Variants in PCLO observed in about 807,000 individuals in gnomAD.
The protein encoded by PCLO is piccolo presynaptic cytomatrix protein.
A neutral mutation model predicts 427.5 loss-of-function variants in PCLO; 82 were observed. The ratio of observed to expected loss-of-function variants is 0.19; its 90% CI spans 0.16 to 0.23. The LOEUF (loss-of-function observed/expected upper bound fraction) is 0.23, where lower values mean the gene tolerates loss of function less well. Ranked by LOEUF, PCLO falls within the 10% of genes least tolerant of loss-of-function variation. The pLI is 1.00. For missense variants in PCLO, 6,239 were observed against 6,115.9 expected, an observed-to-expected ratio of 1.02 and a Z score of -0.67; for synonymous variants, 2,357 against 2,155.4, an observed-to-expected ratio of 1.09 and a Z score of -2.59.
intron 3 of PCLO, among the ~76,000 whole-genome samples, chr7:83,025,757 T>C (rs897122594): frequency 6.6e-6 from 1 of 152,150 alleles, no homozygotes; most frequent in Admixed American, 6.5e-5. Flanking sequence ...GCGGATCTCT[T>C]GGCAGAAACC....
At chr7:82,786,353 A>G (rs2129468274) in intron 22 of PCLO, among the ~76,000 whole-genome samples, 1 of 152,224 alleles carries the variant, frequency 6.6e-6, no homozygotes, top group South Asian at 2.1e-4. Context: ...CAAAACTACA[A>G]TCTGATATAT....
rs1792483529 is a variant in PCLO at position 83,162,827 on chromosome 7, T to C, written c.-235A>G. On this transcript the variant is annotated 5_prime_UTR_variant, in exon 1 of 25. Coordinates refer to ENST00000333891, the MANE Select transcript of PCLO (RefSeq NM_033026.6). ...ATGTTGGACAGCGCCAGGCAACCTT[T>C]GCAGAAGACACCTCCCGGACGCCGC... 1.6e-5 allele frequency: 9 copies of C among 557,672 alleles called. No homozygotes were observed. The highest frequency in any genetic ancestry group is 4.7e-4 in the Middle Eastern group (1 of 2,148). The allele number at this position is 557,672 out of a possible 1,614,324, so 34.5% of individuals were successfully genotyped here.
intron 6 of PCLO, among the ~76,000 whole-genome samples, chr7:82,936,083 T>C (rs751345898): frequency 1.4e-4 from 21 of 151,704 alleles, no homozygotes; most frequent in Non-Finnish European, 2.5e-4. Context: ...ACCTCGTAGA[T>C]ACATATAGAA....
At chr7:82,967,491 T>C (rs1265610423) in intron 3 of PCLO, among the ~76,000 whole-genome samples, 1 of 152,058 alleles carries the variant, frequency 6.6e-6, no homozygotes, top group Non-Finnish European at 1.5e-5. Context: ...TTTCTTATAT[T>C]GCTGCTCTTC....
intron 3 of PCLO, among the ~76,000 whole-genome samples, chr7:82,976,157 C>T (rs577198618): frequency 6.6e-6 from 1 of 152,070 alleles, no homozygotes; most frequent in African/African-American, 2.4e-5. Flanking sequence ...TAAAGGTTAC[C>T]CATGTTGTCA....
intron 9 of PCLO, among the ~76,000 whole-genome samples, chr7:82,882,637 CA>C (rs1245303392): frequency 1.3e-5 from 2 of 152,006 alleles, no homozygotes; most frequent in Admixed American, 1.3e-4. Context: ...AGAAAACCTT[CA>C]AAGGTTGGGA....
chr7:83,154,516 A>G (rs914251577), intron 2 of PCLO, among the ~76,000 whole-genome samples: 4 of 152,210 alleles, frequency 2.6e-5, no homozygotes, highest in African/African-American at 9.7e-5. Flanking sequence ...CTTTCAATCA[A>G]TTTATATTTG....
intron 10 of PCLO, among the ~76,000 whole-genome samples, chr7:82,848,237 G>A (rs1277432831): frequency 6.7e-6 from 1 of 148,420 alleles, no homozygotes; most frequent in Non-Finnish European, 1.5e-5. Flanking sequence ...AAATATTTGT[G>A]AACTTCACCA....
chr7:82,758,666 C>G lies in PCLO; in HGVS notation c.15338G>C (p.Gly5113Ala). 3 of 1,609,308 alleles carry G rather than the reference C, an allele frequency of 1.9e-6. No homozygotes were observed. The highest frequency in any genetic ancestry group is 1.7e-6 in the Non-Finnish European group (2 of 1,176,394). Reference sequence around the variant, plus strand: ...TTTGTCAAGCCAGATACAGGCTTCACCAATCAAGGTCTTTTTCATAAACTT... The same window carrying G: ...TTTGTCAAGCCAGATACAGGCTTCAGCAATCAAGGTCTTTTTCATAAACTT... Reference protein sequence around the residue: ...GGKFMKKTLIGEACIWLDKVD... With the variant: ...GGKFMKKTLIAEACIWLDKVD... Residue 5113 changes from glycine (G) to alanine (A), a missense_variant, in exon 25 of 25, where the codon GGT becomes GCT. Physicochemically the swap from Gly to Ala is moderately conservative, Grantham distance 60. Coordinates refer to ENST00000333891, the MANE Select transcript of PCLO (RefSeq NM_033026.6).
chr7:83,148,539 C>G (rs949705074), intron 2 of PCLO, among the ~76,000 whole-genome samples: 3 of 151,932 alleles, frequency 2.0e-5, no homozygotes, highest in African/African-American at 7.3e-5. Flanking sequence ...TTTTTTAACT[C>G]TATGCAATCT....
intron 3 of PCLO, among the ~76,000 whole-genome samples, chr7:83,016,431 T>C (rs1788208963): frequency 6.6e-6 from 1 of 152,150 alleles, no homozygotes; most frequent in African/African-American, 2.4e-5. Context: ...TAAATGACTG[T>C]CATAGTTTCC....
At chr7:82,922,408 T>C (rs891868608) in intron 6 of PCLO, among the ~76,000 whole-genome samples, 2 of 151,992 alleles carry the variant, frequency 1.3e-5, no homozygotes, top group African/African-American at 4.8e-5. Flanking sequence ...TATGCAGCCA[T>C]AAAAATGAAT....
chr7:83,131,532 T>C (rs1476011011), intron 3 of PCLO, among the ~76,000 whole-genome samples: 2 of 152,150 alleles, frequency 1.3e-5, no homozygotes, highest in South Asian at 2.1e-4. Flanking sequence ...AGGAAAAATG[T>C]CCTGTCTCAC....
chr7:82,852,969 ATATTT>A (rs1386349133), intron 10 of PCLO, among the ~76,000 whole-genome samples: 1 of 152,018 alleles, frequency 6.6e-6, no homozygotes, highest in Non-Finnish European at 1.5e-5. Flanking sequence ...AGAACACGCA[ATATTT>A]TATTTTCTAT....
intron 6 of PCLO, among the ~76,000 whole-genome samples, chr7:82,917,901 T>C (rs1794504709): frequency 6.6e-6 from 1 of 152,016 alleles, no homozygotes; most frequent in African/African-American, 2.4e-5. Flanking sequence ...GATCACATTT[T>C]TCCAAGACTC....
chr7:82,843,658 C>T lies in PCLO; in HGVS notation c.14046+1613G>A, dbSNP rs947597804. 3.4e-5 allele frequency among the ~76,000 whole-genome samples: 5 copies of T among 146,586 alleles called. No homozygotes were observed. The Admixed American group carries it at 3.6e-4, about 10-fold the overall frequency. Reference sequence around the variant, plus strand: ...TTAGCTCAATGTAGCCATTCCACAACGTATTCATTTTTTTTTTTTTTTTGG... The same window carrying T: ...TTAGCTCAATGTAGCCATTCCACAATGTATTCATTTTTTTTTTTTTTTTGG... On this transcript the variant is annotated intron_variant, in intron 13 of 24. Coordinates refer to ENST00000333891, the MANE Select transcript of PCLO (RefSeq NM_033026.6).
intron 10 of PCLO, among the ~76,000 whole-genome samples, chr7:82,877,539 T>C (rs1793402531): frequency 6.6e-6 from 1 of 152,196 alleles, no homozygotes; most frequent in African/African-American, 2.4e-5. Context: ...AAAACGCATA[T>C]ACGCCAAGTA....
At chr7:83,072,179 G>C (rs1789833378) in intron 3 of PCLO, among the ~76,000 whole-genome samples, 1 of 151,810 alleles carries the variant, frequency 6.6e-6, no homozygotes, top group Admixed American at 6.6e-5. Flanking sequence ...GTTATTTCTA[G>C]CAACAATGCT....
intron 3 of PCLO, among the ~76,000 whole-genome samples, chr7:83,021,347 C>A (rs1206047800): frequency 1.3e-5 from 2 of 152,184 alleles, no homozygotes; most frequent in Non-Finnish European, 2.9e-5. Flanking sequence ...CCTACAATAT[C>A]AGAGTGTGAA....
Sources: gnomAD v4.1 joint callset for allele counts (sites outside exome capture counted in the v4.1 genomes callset) on GRCh38, gnomAD v4.1.1 for gene constraint, MANE v1.5 for transcripts, NCBI Gene and HGNC (gene_info 2026-07-23, HGNC 2026-07-21) for gene names.